Variants in SMPDL3B observed in about 807,000 individuals in gnomAD.
The protein encoded by SMPDL3B is sphingomyelin phosphodiesterase acid like 3B.
Under a neutral mutation model 37.9 loss-of-function variants are expected in SMPDL3B, and 31 were observed. The observed-to-expected ratio is 0.82, with a 90% CI of 0.61 to 1.10. The LOEUF (loss-of-function observed/expected upper bound fraction) is 1.10, where lower values mean the gene tolerates loss of function less well. Among genes scored for constraint, SMPDL3B ranks in the 50% least tolerant of loss-of-function variants. SMPDL3B has a pLI of 0.00. For synonymous variants in SMPDL3B, 235 were observed against 242.6 expected (o/e 0.97, Z 0.29); for missense variants, 525 against 597.8 (o/e 0.88, Z 1.27).
intron 1 of SMPDL3B, among the ~76,000 whole-genome samples, chr1:27,937,734 C>T (rs972195674): frequency 1.3e-5 from 2 of 152,152 alleles, no homozygotes; most frequent in African/African-American, 4.8e-5. Flanking sequence ...CCTAAGGCTG[C>T]CTTGCTCACC....
At chr1:27,942,363 A>C (rs755822123) in intron 1 of SMPDL3B, 1 of 470,836 alleles carries the variant, frequency 2.1e-6, no homozygotes, top group South Asian at 1.5e-5. Context: ...GCTTGGAAGC[A>C]GGTGAGAGCC....
In SMPDL3B at chr1:27,953,338, C is replaced by T. The variant is rs1338641805; in HGVS notation, c.497C>T (p.Ser166Phe). Residue 166 changes from serine (S) to phenylalanine (F), a missense_variant, in exon 4 of 8, where the codon TCC (serine) becomes TTC (phenylalanine). Transcript: ENST00000373894. ...ELWKPWLSNE[S>F]IALFKKGAFY... ...TGGAAACCCTGGCTTAGTAATGAGT[C>T]CATCGCTCTCTTCAAAAAAGGTACC... 8 of 1,612,292 alleles carry T rather than the reference C, an allele frequency of 5.0e-6. No homozygotes were observed. The highest frequency in any genetic ancestry group is 6.8e-6 in the Non-Finnish European group (8 of 1,179,464).
intron 7 of SMPDL3B, among the ~76,000 whole-genome samples, chr1:27,956,689 T>C (rs184776094): frequency 2.6e-5 from 4 of 152,326 alleles, no homozygotes; most frequent in East Asian, 3.9e-4. Flanking sequence ...TCAGAAGATA[T>C]GTAAATTTAA....
chr1:27,940,505 T>G (rs1034777931), intron 1 of SMPDL3B, among the ~76,000 whole-genome samples: 3 of 152,008 alleles, frequency 2.0e-5, no homozygotes, highest in Admixed American at 6.6e-5. Context: ...GGGGGCGCTG[T>G]TATCTTGATT....
intron 3 of SMPDL3B, among the ~76,000 whole-genome samples, chr1:27,949,688 A>G (rs2090439124): frequency 6.6e-6 from 1 of 152,194 alleles, no homozygotes; most frequent in South Asian, 2.1e-4. Context: ...TATAGGGTGA[A>G]TAGGGTCTGC....
In SMPDL3B at chr1:27,958,284, G is replaced by A. The variant is rs1638354526; in HGVS notation, c.1006-192G>A. Among the ~76,000 whole-genome samples the A allele has an allele frequency of 6.6e-6, 1 of 152,112 alleles. No individual in the cohort carries two copies. Among genetic ancestry groups the A allele is most frequent in the Non-Finnish European group, 1.5e-5 (1 of 68,022 alleles). ...TCAGTTTCCTCATTTGTGAAACCTA[G>A]GTAATAAGCGCAGTTACCTCATTCG... is the stretch of plus-strand genomic sequence containing the variant. On this transcript the variant is annotated intron_variant, in intron 7 of 7. Transcript: ENST00000373894. The surrounding 1 kb of genome is among the most constrained non-coding windows in gnomAD (Gnocchi z 5.6).
Position 27,956,031 on chromosome 1 carries a change from C to G in SMPDL3B, c.954C>G (p.Asn318Lys), listed in dbSNP as rs748760018. Residue 318 changes from asparagine to lysine, a missense_variant, in exon 7 of 8, where the codon AAC (asparagine) becomes AAG (lysine). Transcript: ENST00000373894. ...TACCTGGAGTGGTCAATGGGGCCAA[C>G]AATCCAGCCATCCGGGTGTTCGAAT... ...TTLPGVVNGA[N>K]NPAIRVFEYD... The G allele has an allele frequency of 3.1e-6, 5 of 1,614,142 alleles. No homozygotes were observed. Among genetic ancestry groups the G allele is most frequent in the Non-Finnish European group, 4.2e-6 (5 of 1,180,018 alleles).
intron 4 of SMPDL3B, among the ~76,000 whole-genome samples, 165 bp from the exon 5 acceptor site, chr1:27,954,189 G>C (rs1224994708): frequency 1.3e-5 from 2 of 152,234 alleles, no homozygotes; most frequent in East Asian, 3.8e-4. Flanking sequence ...AATCCAGGCC[G>C]CCTGGCTCCA....
At chr1:27,938,727 A>G (rs1173899003) in intron 1 of SMPDL3B, 2 of 152,246 alleles carry the variant, frequency 1.3e-5, no homozygotes, top group Non-Finnish European at 2.9e-5. Flanking sequence ...TCTGTGTTTC[A>G]CTTTCAATTC....
intron 1 of SMPDL3B, chr1:27,942,231 G>C (rs570225029): frequency 1.3e-5 from 6 of 460,214 alleles, no homozygotes; most frequent in Non-Finnish European, 2.2e-5. Context: ...AACTGAGAAA[G>C]AGCCAGCTTG....
chr1:27,958,625 C>T lies in SMPDL3B; in HGVS notation c.1155C>T (p.Asp385=), dbSNP rs1164113920. 2.5e-6 allele frequency: 4 copies of T among 1,613,576 alleles called. No individual in the cohort carries two copies. Among genetic ancestry groups the T allele is most frequent in the Admixed American group, 1.7e-5 (1 of 60,008 alleles). The change falls in exon 8 of 8, where the codon GAC becomes GAT. Residue 385 remains aspartate (D), a synonymous_variant. Transcript: ENST00000373894. This position sits in a 1 kb window ranked among gnomAD's most constrained non-coding sequence, Gnocchi z 5.6. ...MHTVLDRIAG[D]QSTLQRYYVY... ...CAGTGCTGGACCGCATCGCTGGCGA[C>T]CAGAGCACACTGCAGCGCTACTACG...
At chr1:27,935,276 GT>G in intron 1 of SMPDL3B, 32 bp downstream of exon 1, 1 of 1,536,896 alleles carries the variant, frequency 6.5e-7, no homozygotes, top group Non-Finnish European at 9.0e-7. Context: ...CTATGCCTTT[GT>G]TTTGTACTGT....
chr1:27,945,946 C>G lies in SMPDL3B; in HGVS notation c.275+501C>G, dbSNP rs1238623446. 6.6e-6 allele frequency among the ~76,000 whole-genome samples: 1 copy of G among 152,190 alleles called. No homozygotes were observed. Among genetic ancestry groups the G allele is most frequent in the Non-Finnish European group, 1.5e-5 (1 of 68,042 alleles). ...GTCAGAGCTCTGCTCTACAGAGTGA[C>G]AGCTTGAGGGCCGATCCCACTCAGC... On this transcript the variant is annotated intron_variant, in intron 2 of 7. Transcript: ENST00000373894. The surrounding 1 kb of genome is among the most constrained non-coding windows in gnomAD (Gnocchi z 4.0).
chr1:27,939,479 T>C (rs2090338240), intron 1 of SMPDL3B, among the ~76,000 whole-genome samples: 1 of 152,034 alleles, frequency 6.6e-6, no homozygotes, highest in African/African-American at 2.4e-5. Context: ...GCCTCCCAAG[T>C]ACGGAGAAAT....
chr1:27,946,880 G>GAA (rs2090413165), intron 2 of SMPDL3B, among the ~76,000 whole-genome samples: 1 of 152,128 alleles, frequency 6.6e-6, no homozygotes, highest in Non-Finnish European at 1.5e-5. Flanking sequence ...GGCTTCCTTG[G>GAA]GCTCAGGAAT....
At chr1:27,940,648 C>T (rs879339031) in intron 1 of SMPDL3B, among the ~76,000 whole-genome samples, 7 of 152,130 alleles carry the variant, frequency 4.6e-5, no homozygotes, top group Admixed American at 4.6e-4. Flanking sequence ...TTTATCTTCT[C>T]AGTAATAAAT....
At position 27,935,137 on chromosome 1, in the gene SMPDL3B, C is replaced by A. The variant is rs375980057; in HGVS notation, c.-47C>A. The A allele has an allele frequency of 3.4e-6, 5 of 1,482,586 alleles. No homozygotes were observed. The highest frequency in any genetic ancestry group is 3.5e-4 in the Middle Eastern group (2 of 5,778). 91.8% of individuals were successfully genotyped at this position (1,482,586 alleles called of 1,614,324 possible). Reference sequence around the variant, plus strand: ...CTTAGGAAGCCTGTGGTGAGAACAACAACAGTGCCTGAGAATCCCACGGCT... The same window carrying A: ...CTTAGGAAGCCTGTGGTGAGAACAAAAACAGTGCCTGAGAATCCCACGGCT... On this transcript the variant is annotated 5_prime_UTR_variant, in exon 1 of 8. Transcript: ENST00000373894.
At chr1:27,944,798 T>G (rs1159253893) in intron 1 of SMPDL3B, among the ~76,000 whole-genome samples, 1 of 151,922 alleles carries the variant, frequency 6.6e-6, no homozygotes, top group Non-Finnish European at 1.5e-5. Flanking sequence ...TAGTTATATT[T>G]CCCTGCAGCA....
intron 5 of SMPDL3B, 22 bp from the exon 6 acceptor site, chr1:27,955,662 T>A (rs1259881480): frequency 6.2e-7 from 1 of 1,603,134 alleles, no homozygotes; most frequent in Non-Finnish European, 8.5e-7. Flanking sequence ...GTGAGCCTCT[T>A]CTGGGAACCC....
Sources: gnomAD v4.1 joint callset for allele counts (sites outside exome capture counted in the v4.1 genomes callset) on GRCh38, gnomAD v4.1.1 for gene constraint, Gnocchi (gnomAD v3.1) non-coding constraint, MANE v1.5 for transcripts, NCBI Gene and HGNC (gene_info 2026-07-23, HGNC 2026-07-21) for gene names.